The following HACD1 variants were observed in gnomAD, a reference collection of about 807,000 sequenced individuals.
HACD1 encodes the protein very-long-chain (3R)-3-hydroxyacyl-CoA dehydratase 1.
In HACD1, 41 loss-of-function variants were observed where a neutral mutation model predicts 32.0. The observed-to-expected ratio is 1.28, with a 90% CI of 1.00 to 1.66. The LOEUF is 1.66. HACD1 is among the 40% of genes most tolerant of loss of function. HACD1 has a pLI of 0.00. For missense variants in HACD1, 396 were observed against 380.1 expected (o/e 1.04, Z -0.35); for synonymous variants, 142 against 139.0 (o/e 1.02, Z -0.15).
intron 6 of HACD1, among the ~76,000 whole-genome samples, chr10:17,593,424 TCCTG>T (rs1275132951): frequency 6.6e-6 from 1 of 152,100 alleles, no homozygotes; most frequent in Non-Finnish European, 1.5e-5. Flanking sequence ...CAAACGATTC[TCCTG>T]CCTCAGCCTC....
rs117002658 is a variant in HACD1 at position 17,595,322 on chromosome 10, G to T, written c.606-939C>A. On this transcript the variant is annotated intron_variant, in intron 5 of 6. Coordinates refer to ENST00000361271, the MANE Select transcript of HACD1 (RefSeq NM_014241.4). Reference sequence around the variant, plus strand: ...ATATCTAAACCTTGAAATTACCAAGGTAGTTATTTTTAAGAGGCATTTGAA... The same window carrying T: ...ATATCTAAACCTTGAAATTACCAAGTTAGTTATTTTTAAGAGGCATTTGAA... Among the ~76,000 whole-genome samples the T allele has an allele frequency of 3.8e-4, 58 of 152,228 alleles. No individual in the cohort carries two copies. The East Asian group carries it at 0.01, about 26-fold the overall frequency.
chr10:17,617,087 C>T lies in HACD1; in HGVS notation c.253G>A (p.Ala85Thr), dbSNP rs1554818161. ...WLTFYDIAMTAGWLVLAIAMV... is the reference protein window; with the variant it reads ...WLTFYDIAMTTGWLVLAIAMV... ...GGTGCCCCGCGGCGCGCGTACCCCG[C>T]GGTCATGGCGATGTCGTAGAAGGTG... Residue 85 changes from alanine to threonine, a missense_variant, in exon 1 of 7, where the codon GCG becomes ACG. Transcript: ENST00000361271. 2 of 1,485,346 alleles carry T rather than the reference C, an allele frequency of 1.3e-6. No individual in the cohort carries two copies. Among genetic ancestry groups the T allele is most frequent in the Admixed American group, 2.3e-5 (1 of 43,204 alleles). The allele number at this position is 1,485,346 out of a possible 1,614,324, so 92.0% of individuals were successfully genotyped here. A position where few individuals can be genotyped will look rare whatever the true frequency, so the allele number is the denominator to read the frequency against.
intron 4 of HACD1, among the ~76,000 whole-genome samples, chr10:17,601,895 G>T (rs1208089977): frequency 2.0e-5 from 3 of 151,936 alleles, no homozygotes; most frequent in Non-Finnish European, 4.4e-5. Context: ...CAGACAGGGG[G>T]CCAGTGAAGC....
intron 1 of HACD1, among the ~76,000 whole-genome samples, chr10:17,606,043 C>T (rs1412317468): frequency 2.0e-5 from 3 of 151,468 alleles, no homozygotes; most frequent in African/African-American, 7.3e-5. Flanking sequence ...GGCATGGCGG[C>T]ACATGCCTGT....
At chr10:17,613,095 GGGGTGTGTGT>G (rs1409921864) in intron 1 of HACD1, among the ~76,000 whole-genome samples, 39 of 119,874 alleles carry the variant, frequency 3.3e-4, no homozygotes, top group African/African-American at 1.2e-3. Context: ...TTTGCAATTT[GGGGTGTGTGT>G]GTGTGTGTGT....
At chr10:17,612,125 A>AAAAAAAAAC (rs1832993329) in intron 1 of HACD1, among the ~76,000 whole-genome samples, 1 of 141,978 alleles carries the variant, frequency 7.0e-6, no homozygotes, top group Non-Finnish European at 1.5e-5. Flanking sequence ...AAAAAAAAAA[A>AAAAAAAAAC]AAAAACCCTA....
At chr10:17,609,056 A>C (rs1169868143) in intron 1 of HACD1, among the ~76,000 whole-genome samples, 1 of 152,072 alleles carries the variant, frequency 6.6e-6, no homozygotes, top group Non-Finnish European at 1.5e-5. Flanking sequence ...TGCAAATCAC[A>C]TATCTGGTAA....
intron 1 of HACD1, among the ~76,000 whole-genome samples, chr10:17,606,439 A>G (rs1433039449): frequency 6.6e-6 from 1 of 152,218 alleles, no homozygotes; most frequent in Admixed American, 6.5e-5. Flanking sequence ...GTAACTTTTT[A>G]AAAGCTCTAA....
intron 1 of HACD1, among the ~76,000 whole-genome samples, chr10:17,616,725 G>C (rs1238523521): frequency 1.3e-5 from 2 of 151,628 alleles, no homozygotes; most frequent in African/African-American, 4.8e-5. Context: ...GAAGCTCTGC[G>C]CTCCCGAGAC....
At chr10:17,608,065 A>G (rs1834173699) in intron 1 of HACD1, among the ~76,000 whole-genome samples, 1 of 151,938 alleles carries the variant, frequency 6.6e-6, no homozygotes, top group Admixed American at 6.6e-5. Flanking sequence ...GGCTGGAGTG[A>G]GTGGTGTGCC....
intron 1 of HACD1, among the ~76,000 whole-genome samples, chr10:17,612,105 C>CAAAAAAAAAAAAAAAAAAAAA (rs34058469): frequency 9.5e-6 from 1 of 105,112 alleles, no homozygotes; most frequent in African/African-American, 3.5e-5. Flanking sequence ...AACTCCATCT[C>CAAAAAAAAAAAAAAAAAAAAA]AAAAAAAAAA....
chr10:17,604,020 T>A lies in HACD1; in HGVS notation c.285A>T (p.Val95=), dbSNP rs1834108355. 1.3e-6 allele frequency: 2 copies of A among 1,595,046 alleles called. No individual in the cohort carries two copies. Among genetic ancestry groups the A allele is most frequent in the Non-Finnish European group, 1.7e-6 (2 of 1,174,942 alleles). The part of the protein sequence containing the change: ...AGWLVLAIAM[V]RFYMEKGTHR... ...GTGTTCCTTTTTCCATATAAAAACGTACCATGGCAATAGCTAGAACCAACC... is the reference window on the plus strand; with the variant it reads ...GTGTTCCTTTTTCCATATAAAAACGAACCATGGCAATAGCTAGAACCAACC... The change falls in exon 2 of 7, where the codon GTA becomes GTT. Residue 95 remains valine (V), a synonymous_variant. Coordinates refer to ENST00000361271, the MANE Select transcript of HACD1 (RefSeq NM_014241.4).
intron 4 of HACD1, among the ~76,000 whole-genome samples, chr10:17,601,036 C>CT (rs1167513592): frequency 0.021 from 2,938 of 141,112 alleles, 39 homozygotes; most frequent in African/African-American, 0.051. Flanking sequence ...TTGCCTTGTT[C>CT]TTTTTTTTTT....
intron 1 of HACD1, among the ~76,000 whole-genome samples, chr10:17,605,465 C>T (rs1380786920): frequency 6.7e-6 from 1 of 149,802 alleles, no homozygotes; most frequent in Non-Finnish European, 1.5e-5. Flanking sequence ...GTGGAGGTTG[C>T]AGTGAGCCAA....
At chr10:17,613,345 A>T (rs1554817725) in intron 1 of HACD1, among the ~76,000 whole-genome samples, 1 of 152,150 alleles carries the variant, frequency 6.6e-6, no homozygotes, top group Non-Finnish European at 1.5e-5. Context: ...AGTTAAATGA[A>T]CAAAAAGAGC....
At chr10:17,615,123 A>G (rs1322543026) in intron 1 of HACD1, among the ~76,000 whole-genome samples, 1 of 152,266 alleles carries the variant, frequency 6.6e-6, no homozygotes, top group Non-Finnish European at 1.5e-5. Context: ...ATTTAAAGGC[A>G]GCATCATTTC....
intron 1 of HACD1, among the ~76,000 whole-genome samples, chr10:17,611,395 A>C (rs782134756): frequency 2.0e-5 from 3 of 152,120 alleles, no homozygotes; most frequent in Non-Finnish European, 2.9e-5. Context: ...TAAGTCCTTC[A>C]CCGCTCAGTT....
intron 6 of HACD1, 147 bp from the exon 7 acceptor site, chr10:17,590,593 G>A: frequency 3.9e-6 from 2 of 519,348 alleles, no homozygotes; most frequent in South Asian, 3.0e-5. Flanking sequence ...AAGACTATAA[G>A]AGTGCAAATG....
intron 1 of HACD1, among the ~76,000 whole-genome samples, chr10:17,608,483 C>G (rs1041199158): frequency 4.0e-5 from 6 of 151,890 alleles, no homozygotes; most frequent in African/African-American, 1.5e-4. Flanking sequence ...CTTCAACTTT[C>G]ATATACTCCA....
Sources: allele counts gnomAD v4.1 joint callset (sites outside exome capture counted in the v4.1 genomes callset), GRCh38; gene constraint gnomAD v4.1.1; transcripts MANE v1.5; gene names NCBI Gene and HGNC (gene_info 2026-07-23, HGNC 2026-07-21).